Variants in TMEM26 observed in about 807,000 individuals in gnomAD.
TMEM26 encodes transmembrane protein 26.
In TMEM26, 38 loss-of-function variants were observed where a neutral mutation model predicts 28.8. The observed-to-expected ratio is 1.32, with a 90% CI of 1.02 to 1.73. The LOEUF (loss-of-function observed/expected upper bound fraction) is 1.73. Ranked by LOEUF, TMEM26 falls within the 40% of genes most tolerant of loss-of-function variation. The pLI, the probability that TMEM26 is intolerant of heterozygous loss-of-function variation, is 0.00. For missense variants in TMEM26, 518 were observed against 447.1 expected (o/e 1.16, Z -1.43); for synonymous variants, 227 against 182.9 (o/e 1.24, Z -1.95).
intron 1 of TMEM26, among the ~76,000 whole-genome samples, chr10:61,451,087 G>C (rs775500758): frequency 2.5e-4 from 38 of 152,270 alleles, no homozygotes; most frequent in Non-Finnish European, 4.1e-4. Flanking sequence ...CCCATTATCT[G>C]TCTGATTTTG....
At chr10:61,446,599 T>A (rs957039497) in intron 1 of TMEM26, among the ~76,000 whole-genome samples, 1 of 151,898 alleles carries the variant, frequency 6.6e-6, no homozygotes, top group Non-Finnish European at 1.5e-5. Flanking sequence ...GGTGGGCTGA[T>A]CACGAGGTCA....
intron 2 of TMEM26, among the ~76,000 whole-genome samples, 158 bp downstream of exon 2, chr10:61,436,012 A>G (rs1411885719): frequency 6.6e-6 from 1 of 152,134 alleles, no homozygotes; most frequent in Non-Finnish European, 1.5e-5. Context: ...TGGGGGGGCA[A>G]ATCATGGATT....
At chr10:61,415,276 T>C (rs901240908) in intron 4 of TMEM26, among the ~76,000 whole-genome samples, 12 of 152,122 alleles carry the variant, frequency 7.9e-5, no homozygotes, top group Non-Finnish European at 1.8e-4. Context: ...ACATGATTTA[T>C]GATTTACCAA....
At chr10:61,452,580 T>C (rs1472251957) in intron 1 of TMEM26, 4 of 315,078 alleles carry the variant, frequency 1.3e-5, no homozygotes, top group Non-Finnish European at 2.4e-5. Context: ...CTCCCCTATT[T>C]GCGGGCACAT....
chr10:61,446,108 G>C (rs1278101522), intron 1 of TMEM26, among the ~76,000 whole-genome samples: 1 of 152,152 alleles, frequency 6.6e-6, no homozygotes, highest in Non-Finnish European at 1.5e-5. Context: ...CCATTTCTTG[G>C]AGCTCCCATT....
At chr10:61,423,423 T>C (rs562513020) in intron 4 of TMEM26, among the ~76,000 whole-genome samples, 3 of 152,296 alleles carry the variant, frequency 2.0e-5, no homozygotes, top group African/African-American at 7.2e-5. Flanking sequence ...TAAGCAAATG[T>C]TAGCAAGCTG....
In TMEM26 at chr10:61,446,817, C is replaced by CAAAAAAAAAAAAAAA. The variant is rs34030340; in HGVS notation, c.191+6059_191+6073dup. ...CTGGCGACAGAGCGAGACTCCATCT[C>CAAAAAAAAAAAAAAA]AAAAAAAAAAAAAAAAAAAAAAAAA... is the stretch of plus-strand genomic sequence containing the variant. On this transcript the variant is annotated intron_variant, in intron 1 of 5. Coordinates refer to ENST00000399298, the MANE Select transcript of TMEM26 (RefSeq NM_178505.8). 1.5e-4 allele frequency among the ~76,000 whole-genome samples: 5 copies of CAAAAAAAAAAAAAAA among 33,942 alleles called. 1 individual carries two copies. Among genetic ancestry groups the CAAAAAAAAAAAAAAA allele is most frequent in the Admixed American group, 5.9e-4 (1 of 1,682 alleles). 22.3% of individuals were successfully genotyped at this position (33,942 alleles called of 152,430 possible).
intron 1 of TMEM26, among the ~76,000 whole-genome samples, chr10:61,448,625 T>G (rs1200140828): frequency 1.4e-4 from 21 of 151,808 alleles, no homozygotes; most frequent in South Asian, 4.1e-4. Flanking sequence ...TTTTGTTTTT[T>G]TTTTTTTTTG....
At position 61,407,093 on chromosome 10, in the gene TMEM26, T is replaced by G. The variant is rs531437105; in HGVS notation, c.*3229A>C. On this transcript the variant is annotated 3_prime_UTR_variant, in exon 6 of 6. Transcript: ENST00000399298. ...AGGAGGGCTAAAGTGGACAGATGCC[T>G]GGCATTTGCAATTCTTTCTCTCCTG... The G allele has an allele frequency of 6.6e-6, 1 of 152,176 alleles. No individual in the cohort carries two copies. The highest frequency in any genetic ancestry group is 1.5e-5 in the Non-Finnish European group (1 of 68,006). The allele number at this position is 152,176 out of a possible 1,614,324, so 9.4% of individuals were successfully genotyped here.
chr10:61,435,596 G>T (rs1348537406), intron 2 of TMEM26, among the ~76,000 whole-genome samples: 1 of 152,146 alleles, frequency 6.6e-6, no homozygotes, highest in Non-Finnish European at 1.5e-5. Context: ...CTCTAGAAAA[G>T]AATTTCTATT....
intron 4 of TMEM26, among the ~76,000 whole-genome samples, chr10:61,425,520 G>C (rs180904552): frequency 1.3e-5 from 2 of 152,044 alleles, no homozygotes; most frequent in East Asian, 3.9e-4. Flanking sequence ...CTGAACACAG[G>C]GAGGAAATAT....
chr10:61,412,678 A>G (rs1839586377), intron 5 of TMEM26, among the ~76,000 whole-genome samples: 1 of 152,188 alleles, frequency 6.6e-6, no homozygotes, highest in Non-Finnish European at 1.5e-5. Flanking sequence ...AAAGTGTTCC[A>G]TATTACTGCT....
At position 61,408,024 on chromosome 10, in the gene TMEM26, A is replaced by T. The variant is rs1045754250; in HGVS notation, c.*2298T>A. The stretch of plus-strand genomic sequence containing the variant: ...ATCAGGAGTCTTAGGAATGGCTAAT[A>T]TATAACCTAGGTTTAGAGCTTTTAT... On this transcript the variant is annotated 3_prime_UTR_variant, in exon 6 of 6. Transcript: ENST00000399298. The T allele has an allele frequency of 6.6e-6, 1 of 152,242 alleles. No individual in the cohort carries two copies. The highest frequency in any genetic ancestry group is 1.9e-4 in the East Asian group (1 of 5,202). The allele number at this position is 152,242 out of a possible 1,614,324, so 9.4% of individuals were successfully genotyped here. A position where few individuals can be genotyped will look rare whatever the true frequency, so the allele number is the denominator to read the frequency against.
intron 4 of TMEM26, among the ~76,000 whole-genome samples, chr10:61,425,107 G>A (rs1839809185): frequency 6.6e-6 from 1 of 152,142 alleles, no homozygotes; most frequent in African/African-American, 2.4e-5. Flanking sequence ...ATGGGGGAAG[G>A]CAAGGAGGAG....
chr10:61,421,236 A>C (rs111490778), intron 4 of TMEM26, among the ~76,000 whole-genome samples: 3,560 of 152,250 alleles, frequency 0.023, 74 homozygotes, highest in Non-Finnish European at 0.036. Context: ...CAAGAAATTG[A>C]CTTAAAAATG....
At chr10:61,418,106 G>C (rs1030527300) in intron 4 of TMEM26, among the ~76,000 whole-genome samples, 1 of 151,822 alleles carries the variant, frequency 6.6e-6, no homozygotes, top group Non-Finnish European at 1.5e-5. Context: ...AAGTTAAATA[G>C]ATGAGGAAAA....
In TMEM26 at chr10:61,453,138, G is replaced by T; in HGVS notation, c.-57C>A. 6.4e-7 allele frequency: 1 copy of T among 1,568,758 alleles called. No homozygotes were observed. Among genetic ancestry groups the T allele is most frequent in the South Asian group, 1.1e-5 (1 of 88,358 alleles). ...GCCTGCGCCCCCAGGACCCTGCCGG[G>T]CGTGCCCGGAGCCCACCGGTGAGCA... On this transcript the variant is annotated 5_prime_UTR_variant, in exon 1 of 6. Transcript: ENST00000399298.
chr10:61,424,408 A>T (rs1839797214), intron 4 of TMEM26, among the ~76,000 whole-genome samples: 2 of 152,180 alleles, frequency 1.3e-5, no homozygotes, highest in Non-Finnish European at 2.9e-5. Flanking sequence ...GAAATTAAGG[A>T]ACATCTAAAC....
chr10:61,443,217 C>T (rs1840123872), intron 1 of TMEM26, among the ~76,000 whole-genome samples: 1 of 151,674 alleles, frequency 6.6e-6, no homozygotes, highest in Non-Finnish European at 1.5e-5. Context: ...CTTTGAGAGG[C>T]CGAGGTGGGC....
Sources: allele counts gnomAD v4.1 joint callset (sites outside exome capture counted in the v4.1 genomes callset), GRCh38; gene constraint gnomAD v4.1.1; transcripts MANE v1.5; gene names NCBI Gene and HGNC (gene_info 2026-07-23, HGNC 2026-07-21).